CRADD: variants seen among roughly 807,000 people sequenced by gnomAD.
CRADD encodes the protein CARD and death domain containing adaptor protein.
A neutral mutation model predicts 15.5 loss-of-function variants in CRADD; 9 were observed. That is an observed-to-expected ratio of 0.58 (90% CI 0.35 to 1.01). CRADD has a LOEUF of 1.01. CRADD is among the 50% of genes least tolerant of loss of function. The probability of loss-of-function intolerance (pLI) is 0.02; values close to 1 mark genes in which losing one functional copy is unlikely to be tolerated. For synonymous variants in CRADD, 118 were observed against 107.6 expected, an observed-to-expected ratio of 1.10 and a Z score of -0.60; for missense variants, 227 against 250.3, an observed-to-expected ratio of 0.91 and a Z score of 0.63.
chr12:93,845,577 TA>T (rs58297507), intron 2 of CRADD, among the ~76,000 whole-genome samples: 73,132 of 139,522 alleles, frequency 0.52, 18,267 homozygotes, highest in Middle Eastern at 0.58. Context: ...TATATATATA[TA>T]TTTTTAATAA....
intron 2 of CRADD, among the ~76,000 whole-genome samples, chr12:93,733,861 G>A (rs1956514314): frequency 6.6e-6 from 1 of 151,620 alleles, no homozygotes; most frequent in Non-Finnish European, 1.5e-5. Flanking sequence ...ACAGCCTTCT[G>A]AGAAGCTGTT....
At chr12:93,730,766 A>T (rs1046505232) in intron 2 of CRADD, among the ~76,000 whole-genome samples, 11 of 146,584 alleles carry the variant, frequency 7.5e-5, no homozygotes, top group African/African-American at 2.5e-4. Context: ...CTCTGGCTGG[A>T]GTGCAGTGGC....
intron 2 of CRADD, among the ~76,000 whole-genome samples, chr12:93,689,522 TAGA>T (rs1014435290): frequency 6.6e-6 from 1 of 152,234 alleles, no homozygotes; most frequent in African/African-American, 2.4e-5. Flanking sequence ...ATGTAGTTTC[TAGA>T]AGAAGTTTGG....
At chr12:93,747,930 C>T (rs1174496064) in intron 2 of CRADD, among the ~76,000 whole-genome samples, 1 of 152,136 alleles carries the variant, frequency 6.6e-6, no homozygotes, top group Non-Finnish European at 1.5e-5. Flanking sequence ...CAGTCTCAGT[C>T]TTGGCTCTGC....
chr12:93,802,969 T>C (rs2136998795), intron 2 of CRADD, among the ~76,000 whole-genome samples: 1 of 152,352 alleles, frequency 6.6e-6, no homozygotes, highest in South Asian at 2.1e-4. Flanking sequence ...AATACCATTT[T>C]GCCCCCAATG....
intron 2 of CRADD, among the ~76,000 whole-genome samples, chr12:93,702,994 C>T (rs1955869750): frequency 6.6e-6 from 1 of 152,156 alleles, no homozygotes; most frequent in Non-Finnish European, 1.5e-5. Context: ...GAAATGAAAG[C>T]ATTGCCATTT....
chr12:93,784,439 A>G (rs1284955406), intron 2 of CRADD, among the ~76,000 whole-genome samples: 1 of 152,056 alleles, frequency 6.6e-6, no homozygotes, highest in Non-Finnish European at 1.5e-5. Flanking sequence ...AATAAATGGC[A>G]GAGCTGGGCT....
At chr12:93,690,331 C>T (rs896045845) in intron 2 of CRADD, among the ~76,000 whole-genome samples, 2 of 152,310 alleles carry the variant, frequency 1.3e-5, no homozygotes, top group Non-Finnish European at 2.9e-5. Context: ...ATAGGTCTCA[C>T]GCCCATGGGC....
chr12:93,844,493 C>T (rs1156545023), intron 2 of CRADD, among the ~76,000 whole-genome samples: 3 of 152,082 alleles, frequency 2.0e-5, no homozygotes, highest in Admixed American at 6.5e-5. Context: ...ATTACCTTTG[C>T]TCCGGCCTGT....
intron 2 of CRADD, among the ~76,000 whole-genome samples, chr12:93,863,632 G>GTGTGTGTGTT (rs1172421279): frequency 6.6e-6 from 1 of 150,588 alleles, no homozygotes; most frequent in Non-Finnish European, 1.5e-5. Flanking sequence ...GTGTGTGTGT[G>GTGTGTGTGTT]TGTGTGTGTG....
intron 2 of CRADD, among the ~76,000 whole-genome samples, chr12:93,733,141 A>G (rs1436475971): frequency 2.0e-5 from 3 of 152,224 alleles, no homozygotes; most frequent in Admixed American, 6.5e-5. Context: ...AATGGTTACT[A>G]TCATTATTGT....
chr12:93,700,808 T>C (rs1418694962), intron 2 of CRADD, among the ~76,000 whole-genome samples: 1 of 152,112 alleles, frequency 6.6e-6, no homozygotes, highest in African/African-American at 2.4e-5. Context: ...TTGCCTATAG[T>C]GTGAATGTTT....
chr12:93,861,589 A>C (rs1958319908), intron 2 of CRADD, among the ~76,000 whole-genome samples: 1 of 152,150 alleles, frequency 6.6e-6, no homozygotes, highest in South Asian at 2.1e-4. Flanking sequence ...CTGCACCTCA[A>C]CTCAGGACAA....
At chr12:93,819,662 T>C (rs1184269753) in intron 2 of CRADD, among the ~76,000 whole-genome samples, 1 of 152,252 alleles carries the variant, frequency 6.6e-6, no homozygotes, top group Non-Finnish European at 1.5e-5. Context: ...ACATGGTAAA[T>C]ACTCAGAACA....
At chr12:93,744,772 T>G (rs890615110) in intron 2 of CRADD, among the ~76,000 whole-genome samples, 1 of 152,214 alleles carries the variant, frequency 6.6e-6, no homozygotes, top group Admixed American at 6.5e-5. Context: ...TCTAGAGGTT[T>G]AATAAAAACA....
At chr12:93,884,860 G>T (rs1350619055) in intron 2 of CRADD, among the ~76,000 whole-genome samples, 1 of 152,180 alleles carries the variant, frequency 6.6e-6, no homozygotes, top group Non-Finnish European at 1.5e-5. Context: ...GAATCAGAGA[G>T]GGGGCTGAGT....
intron 2 of CRADD, among the ~76,000 whole-genome samples, chr12:93,705,086 TG>T (rs1200299764): frequency 6.6e-6 from 1 of 152,212 alleles, no homozygotes; most frequent in African/African-American, 2.4e-5. Flanking sequence ...ACTTGTTACT[TG>T]ACAAGCGAAT....
intron 2 of CRADD, among the ~76,000 whole-genome samples, chr12:93,723,164 G>A (rs573350218): frequency 6.6e-6 from 1 of 152,304 alleles, no homozygotes; most frequent in South Asian, 2.1e-4. Context: ...AAGCAAAGAT[G>A]ATAACAGCCC....
chr12:93,753,056 C>T (rs915325036), intron 2 of CRADD, among the ~76,000 whole-genome samples: 6 of 151,520 alleles, frequency 4.0e-5, no homozygotes, highest in East Asian at 1.9e-4. Flanking sequence ...GTTCTTCCCA[C>T]GACATGTGGG....
Sources: allele counts gnomAD v4.1 joint callset (sites outside exome capture counted in the v4.1 genomes callset), GRCh38; gene constraint gnomAD v4.1.1; transcripts MANE v1.5; gene names NCBI Gene and HGNC (gene_info 2026-07-23, HGNC 2026-07-21).